Variants in LOXHD1 observed in about 807,000 individuals in gnomAD.
LOXHD1 encodes lipoxygenase homology PLAT domains 1.
LOXHD1 carries 205 observed loss-of-function variants against 248.2 expected under a neutral mutation model. That is an observed-to-expected ratio of 0.83 (90% CI 0.74 to 0.93). The LOEUF (loss-of-function observed/expected upper bound fraction) is 0.93. Among genes scored for constraint, LOXHD1 ranks in the 40% least tolerant of loss-of-function variants. The pLI, the probability that LOXHD1 is intolerant of heterozygous loss-of-function variation, is 0.00. For synonymous variants in LOXHD1, 1,113 were observed against 1,162.8 expected (o/e 0.96, Z 0.87); for missense variants, 2,930 against 2,971.6 (o/e 0.99, Z 0.33).
At chr18:46,574,949 C>T (rs1193515519) in intron 14 of LOXHD1, among the ~76,000 whole-genome samples, 5 of 152,272 alleles carry the variant, frequency 3.3e-5, no homozygotes, top group Non-Finnish European at 7.3e-5. Context: ...CAGGCTCCTT[C>T]TCCTGGCCTG....
chr18:46,502,403 A>T (rs1189908977), intron 37 of LOXHD1, among the ~76,000 whole-genome samples: 1 of 152,302 alleles, frequency 6.6e-6, no homozygotes, highest in East Asian at 1.9e-4. Context: ...TTTGGATAAG[A>T]TGGAGTTGCA....
chr18:46,575,912 C>T (rs898751799), intron 14 of LOXHD1, among the ~76,000 whole-genome samples: 6 of 152,278 alleles, frequency 3.9e-5, no homozygotes, highest in Non-Finnish European at 7.4e-5. Context: ...CTCGCCCTGC[C>T]GGACAGTGGC....
chr18:46,655,924 G>A (rs2039175454), intron 1 of LOXHD1, among the ~76,000 whole-genome samples: 1 of 152,186 alleles, frequency 6.6e-6, no homozygotes. Flanking sequence ...GGAAGAGATG[G>A]GATCAGAACT....
At chr18:46,503,766 T>C (rs577364759) in intron 37 of LOXHD1, among the ~76,000 whole-genome samples, 2 of 152,338 alleles carry the variant, frequency 1.3e-5, no homozygotes, top group Non-Finnish European at 2.9e-5. Flanking sequence ...CATGCTTTTC[T>C]GGACAAGACT....
chr18:46,483,559 C>T, intron 40 of LOXHD1, 28 bp downstream of exon 40: 1 of 1,551,508 alleles, frequency 6.4e-7, no homozygotes, highest in South Asian at 1.2e-5. Flanking sequence ...GGGAGTGGCA[C>T]TTCCTTGGGG....
chr18:46,595,189 T>A (rs1292123111), intron 8 of LOXHD1, among the ~76,000 whole-genome samples: 1 of 152,210 alleles, frequency 6.6e-6, no homozygotes, highest in Non-Finnish European at 1.5e-5. Flanking sequence ...GTGACAAAAA[T>A]TGACTGTAAC....
At chr18:46,632,374 G>T (rs2038836606) in intron 4 of LOXHD1, among the ~76,000 whole-genome samples, 1 of 152,044 alleles carries the variant, frequency 6.6e-6, no homozygotes, top group Non-Finnish European at 1.5e-5. Flanking sequence ...TTGAGGGCAG[G>T]GACTATGTCC....
intron 4 of LOXHD1, among the ~76,000 whole-genome samples, chr18:46,620,344 G>T (rs2038650961): frequency 6.6e-6 from 1 of 152,190 alleles, no homozygotes; most frequent in African/African-American, 2.4e-5. Flanking sequence ...GTCTGGTGAA[G>T]CCAGGGAGGG....
At chr18:46,590,868 C>T (rs1200680345) in intron 12 of LOXHD1, among the ~76,000 whole-genome samples, 3 of 46,370 alleles carry the variant, frequency 6.5e-5, no homozygotes, top group Admixed American at 1.6e-4. Flanking sequence ...AAATATTCTA[C>T]ACAAATATTC....
chr18:46,656,063 C>T (rs917635863), intron 1 of LOXHD1, among the ~76,000 whole-genome samples: 8 of 152,106 alleles, frequency 5.3e-5, no homozygotes, highest in African/African-American at 7.2e-5. Context: ...ATGACTATGG[C>T]GCTTACGGGG....
chr18:46,567,618 C>T (rs954299153), intron 16 of LOXHD1, among the ~76,000 whole-genome samples: 6 of 152,218 alleles, frequency 3.9e-5, no homozygotes, highest in South Asian at 2.1e-4. Flanking sequence ...CAGACACTAG[C>T]TCAGTTCTAC....
chr18:46,560,369 C>G lies in LOXHD1; in HGVS notation c.2775G>C (p.Gln925His), dbSNP rs1275072930. ...RKKKEKDKLRQLLKKERLKAK... is the reference protein window; with the variant it reads ...RKKKEKDKLRHLLKKERLKAK... The stretch of plus-strand genomic sequence containing the variant: ...CCTTCAGCCGCTCCTTCTTGAGCAG[C>G]TGCCGCAGCTTGTCCTTCTCCTTCT... Residue 925 changes from glutamine (Q) to histidine (H), a missense_variant, in exon 19 of 41, where the codon CAG (glutamine) becomes CAC (histidine). By Grantham distance (24) the Gln-to-His change is conservative. Coordinates refer to ENST00000642948, the MANE Select transcript of LOXHD1 (RefSeq NM_001384474.1). 1 of 1,552,616 alleles carries G rather than the reference C, an allele frequency of 6.4e-7. No individual in the cohort carries two copies. Among genetic ancestry groups the G allele is most frequent in the Non-Finnish European group, 8.7e-7 (1 of 1,148,018 alleles).
At chr18:46,648,582 A>C (rs1445854901) in intron 2 of LOXHD1, among the ~76,000 whole-genome samples, 1 of 152,220 alleles carries the variant, frequency 6.6e-6, no homozygotes, top group African/African-American at 2.4e-5. Context: ...GTATGCGTGC[A>C]TGCAGTGGGG....
At chr18:46,569,109 C>T (rs1006243855) in intron 16 of LOXHD1, among the ~76,000 whole-genome samples, 1 of 152,080 alleles carries the variant, frequency 6.6e-6, no homozygotes, top group Non-Finnish European at 1.5e-5. Context: ...TCTCCTTCTC[C>T]AGTGTCTGTG....
chr18:46,647,412 G>C (rs2039045465), intron 2 of LOXHD1, among the ~76,000 whole-genome samples: 1 of 152,214 alleles, frequency 6.6e-6, no homozygotes, highest in Non-Finnish European at 1.5e-5. Flanking sequence ...TGTGAAAGGA[G>C]GGAAGGCAGT....
At chr18:46,544,823 T>G (rs2036725665) in intron 23 of LOXHD1, 1 of 471,520 alleles carries the variant, frequency 2.1e-6, no homozygotes, top group Non-Finnish European at 4.4e-6. Context: ...TCAATAATGC[T>G]TGGCACTAGG....
chr18:46,563,135 C>G lies in LOXHD1; in HGVS notation c.2528G>C (p.Gly843Ala). The G allele has an allele frequency of 6.5e-7, 1 of 1,546,734 alleles. No homozygotes were observed. Among genetic ancestry groups the G allele is most frequent in the Non-Finnish European group, 8.8e-7 (1 of 1,142,792 alleles). Reference sequence around the variant, plus strand: ...GGAGAGGAAGAGCACTTCTGTCTTGCCTTTCTCTCCATAGATCTGCATGTA... The same window carrying G: ...GGAGAGGAAGAGCACTTCTGTCTTGGCTTTCTCTCCATAGATCTGCATGTA... ...RVYMQIYGEK[G>A]KTEVLFLSSR... Residue 843 changes from glycine to alanine, a missense_variant, in exon 18 of 41, where the codon GGC (glycine) becomes GCC (alanine). By Grantham distance (60) the Gly-to-Ala change is moderately conservative. Transcript: ENST00000642948.
intron 17 of LOXHD1, among the ~76,000 whole-genome samples, chr18:46,565,923 C>T (rs1205125186): frequency 1.3e-5 from 2 of 152,108 alleles, no homozygotes; most frequent in Non-Finnish European, 2.9e-5. Flanking sequence ...GTTTTGTCTC[C>T]TCAGCCAGTC....
chr18:46,559,032 A>G, intron 20 of LOXHD1: 1 of 755,256 alleles, frequency 1.3e-6, no homozygotes, highest in Non-Finnish European at 2.0e-6. Flanking sequence ...TCTTCTGAGA[A>G]CATCTTCCAC....
Sources: allele counts gnomAD v4.1 joint callset (sites outside exome capture counted in the v4.1 genomes callset), GRCh38; gene constraint gnomAD v4.1.1; transcripts MANE v1.5; gene names NCBI Gene and HGNC (gene_info 2026-07-23, HGNC 2026-07-21).